Variants in AFF3 observed in about 807,000 individuals in gnomAD.
AFF3 encodes the protein AF4/FMR2 family member 3.
AFF3 carries 32 observed loss-of-function variants against 129.7 expected under a neutral mutation model. The observed-to-expected ratio is 0.25, with a 90% CI of 0.19 to 0.33. AFF3 has a LOEUF of 0.33. Ranked by LOEUF, AFF3 falls within the 10% of genes least tolerant of loss-of-function variation. AFF3 has a pLI of 1.00. For missense variants in AFF3, 1,373 were observed against 1,592.0 expected (o/e 0.86, Z 2.34); for synonymous variants, 644 against 635.4 (o/e 1.01, Z -0.20).
At chr2:99,729,732 T>A (rs78824929) in intron 10 of AFF3, among the ~76,000 whole-genome samples, 1 of 151,888 alleles carries the variant, frequency 6.6e-6, no homozygotes, top group African/African-American at 2.4e-5. Context: ...TTTTTTTTTT[T>A]AGTTGGGTGT....
chr2:99,954,561 T>C (rs949743145), intron 7 of AFF3, among the ~76,000 whole-genome samples: 3 of 150,980 alleles, frequency 2.0e-5, no homozygotes, highest in Non-Finnish European at 4.4e-5. Context: ...GTGGCACATA[T>C]ACACCATGGA....
intron 8 of AFF3, among the ~76,000 whole-genome samples, chr2:99,763,212 A>G (rs369654207): frequency 2.0e-5 from 3 of 152,192 alleles, no homozygotes; most frequent in African/African-American, 7.2e-5. Flanking sequence ...TCCCCCTTTA[A>G]ACACAGATTC....
chr2:99,569,817 C>T (rs1386394751), intron 18 of AFF3, among the ~76,000 whole-genome samples: 4 of 152,160 alleles, frequency 2.6e-5, no homozygotes, highest in Admixed American at 6.5e-5. Context: ...ACTCTCTGAA[C>T]GGGAGATTCG....
At chr2:100,037,802 A>G (rs1264984349) in intron 4 of AFF3, among the ~76,000 whole-genome samples, 2 of 137,286 alleles carry the variant, frequency 1.5e-5, no homozygotes, top group Admixed American at 8.2e-5. Flanking sequence ...ATAAAAATAT[A>G]TAATATATAA....
chr2:99,607,293 G>A (rs1464589912), intron 13 of AFF3, among the ~76,000 whole-genome samples: 4 of 152,186 alleles, frequency 2.6e-5, no homozygotes, highest in Non-Finnish European at 5.9e-5. Flanking sequence ...AGCACTTTGG[G>A]AGGCTGAGGC....
At chr2:100,029,907 A>C (rs1684354361) in intron 4 of AFF3, among the ~76,000 whole-genome samples, 1 of 152,076 alleles carries the variant, frequency 6.6e-6, no homozygotes, top group African/African-American at 2.4e-5. Context: ...TCTACTAAAA[A>C]TACAGAATAA....
intron 11 of AFF3, among the ~76,000 whole-genome samples, chr2:99,710,998 A>T (rs75730746): frequency 0.024 from 3,583 of 152,192 alleles, 54 homozygotes; most frequent in Non-Finnish European, 0.03. Context: ...CAAGGCCCCC[A>T]TCACTGCACA....
intron 8 of AFF3, among the ~76,000 whole-genome samples, chr2:99,818,615 T>C (rs371711633): frequency 6.6e-6 from 1 of 152,218 alleles, no homozygotes; most frequent in Non-Finnish European, 1.5e-5. Flanking sequence ...AATCTTTATA[T>C]AGAAAGCACT....
chr2:99,796,464 CAACTT>C (rs1439416035), intron 8 of AFF3, among the ~76,000 whole-genome samples: 1 of 152,176 alleles, frequency 6.6e-6, no homozygotes, highest in Non-Finnish European at 1.5e-5. Flanking sequence ...AAGCAACCAA[CAACTT>C]AATTCCCAGG....
chr2:99,869,973 G>A (rs772818398), intron 7 of AFF3, among the ~76,000 whole-genome samples: 12 of 152,204 alleles, frequency 7.9e-5, no homozygotes, highest in Non-Finnish European at 1.6e-4. Context: ...CAGAGGTGAC[G>A]CCTGCCAGGG....
intron 7 of AFF3, among the ~76,000 whole-genome samples, chr2:99,889,724 T>C (rs1198715598): frequency 6.6e-6 from 1 of 152,210 alleles, no homozygotes; most frequent in Non-Finnish European, 1.5e-5. Context: ...ACTGGCGTGA[T>C]CTCAGCTCAC....
chr2:99,933,450 C>A (rs1482242144), intron 7 of AFF3, among the ~76,000 whole-genome samples: 1 of 152,096 alleles, frequency 6.6e-6, no homozygotes, highest in Non-Finnish European at 1.5e-5. Flanking sequence ...TTAAGCCCTG[C>A]ATGCATTAGG....
intron 7 of AFF3, among the ~76,000 whole-genome samples, chr2:99,842,463 CTGT>C (rs1297220279): frequency 2.6e-5 from 4 of 152,078 alleles, no homozygotes; most frequent in African/African-American, 9.7e-5. Context: ...CGGTTTGTAG[CTGT>C]TGTTTCATGC....
intron 4 of AFF3, among the ~76,000 whole-genome samples, chr2:100,081,619 T>C (rs1029463416): frequency 1.3e-5 from 2 of 152,084 alleles, no homozygotes; most frequent in Admixed American, 1.3e-4. Flanking sequence ...GACAAAAGAA[T>C]AGGGAGACTG....
rs546577565 is a variant in AFF3, at chr2:99,633,547, C to G, written c.1184+16079G>C. Among the ~76,000 whole-genome samples, 26 of 152,286 alleles carry G rather than the reference C, an allele frequency of 1.7e-4. 2 individuals are homozygous for G. Among genetic ancestry groups the G allele is most frequent in the Middle Eastern group, 3.4e-3 (1 of 294 alleles). On this transcript the variant is annotated intron_variant, in intron 13 of 24. Transcript: ENST00000672756. ...TGGTTTTTCTGTCCCCCAACAAAACCAGCATTGGAGTTTGAGCCTCACTGT... is the reference window on the plus strand; with the variant it reads ...TGGTTTTTCTGTCCCCCAACAAAACGAGCATTGGAGTTTGAGCCTCACTGT...
chr2:99,667,850 C>G (rs1686809450), intron 12 of AFF3, among the ~76,000 whole-genome samples: 1 of 152,038 alleles, frequency 6.6e-6, no homozygotes, highest in African/African-American at 2.4e-5. Flanking sequence ...CTGAGTAGCT[C>G]TATAACTATT....
chr2:99,817,396 A>C (rs904383923), intron 8 of AFF3, among the ~76,000 whole-genome samples: 1 of 152,174 alleles, frequency 6.6e-6, no homozygotes, highest in African/African-American at 2.4e-5. Flanking sequence ...TGACACGTCT[A>C]TCTCTCTTCA....
intron 7 of AFF3, among the ~76,000 whole-genome samples, chr2:99,848,234 AGCCAGACTCT>A (rs1257722864): frequency 6.6e-6 from 1 of 150,998 alleles, no homozygotes; most frequent in African/African-American, 2.4e-5. Flanking sequence ...TGAGCAACAG[AGCCAGACTCT>A]GCCTCAAAAA....
chr2:99,807,732 A>G lies in AFF3; in HGVS notation c.921+29745T>C, dbSNP rs1009580572. On this transcript the variant is annotated intron_variant, in intron 8 of 24. Transcript: ENST00000672756. Reference sequence around the variant, plus strand: ...ACCCTCTTTAGCAGGGGGACCAGGCACAGTTCCTGCTTATCGCTGAGTGGC... The same window carrying G: ...ACCCTCTTTAGCAGGGGGACCAGGCGCAGTTCCTGCTTATCGCTGAGTGGC... 3.9e-5 allele frequency among the ~76,000 whole-genome samples: 6 copies of G among 152,188 alleles called. No homozygotes were observed. The East Asian group carries it at 1.2e-3, about 29-fold the overall frequency.
Sources: gnomAD v4.1 joint callset for allele counts (sites outside exome capture counted in the v4.1 genomes callset) on GRCh38, gnomAD v4.1.1 for gene constraint, MANE v1.5 for transcripts, NCBI Gene and HGNC (gene_info 2026-07-23, HGNC 2026-07-21) for gene names.